Variants in ATP8A2 observed in about 807,000 individuals in gnomAD.
ATP8A2 encodes the protein ATPase phospholipid transporting 8A2, also known as phospholipid-transporting ATPase IB.
Under a neutral mutation model 165.6 loss-of-function variants are expected in ATP8A2, and 100 were observed. The ratio of observed to expected loss-of-function variants is 0.60; its 90% confidence interval spans 0.51 to 0.71. The LOEUF (loss-of-function observed/expected upper bound fraction) is 0.71, where lower values mean the gene tolerates loss of function less well. ATP8A2 is among the 30% of genes least tolerant of loss of function. The pLI, the probability that ATP8A2 is intolerant of heterozygous loss-of-function variation, is 0.00. For missense variants in ATP8A2, 1,227 were observed against 1,479.5 expected (o/e 0.83, Z 2.80); for synonymous variants, 543 against 548.8 (o/e 0.99, Z 0.15).
intron 19 of ATP8A2, among the ~76,000 whole-genome samples, chr13:25,576,481 C>T (rs185782343): frequency 8.6e-5 from 13 of 152,018 alleles, no homozygotes; most frequent in African/African-American, 2.4e-4. Context: ...AAGAAGAATT[C>T]ATAGGCGGTG....
intron 11 of ATP8A2, 25 bp from the exon 12 acceptor site, chr13:25,553,768 C>CAGAT (rs1566258802): frequency 6.2e-7 from 1 of 1,604,634 alleles, no homozygotes; most frequent in Admixed American, 1.7e-5. Flanking sequence ...GAACACCTTT[C>CAGAT]AGATACTCTG....
chr13:25,540,497 C>A, intron 8 of ATP8A2, 109 bp downstream of exon 8: 1 of 796,620 alleles, frequency 1.3e-6, no homozygotes, highest in Non-Finnish European at 2.1e-6. Flanking sequence ...AAGGGTTATG[C>A]CTTAGCCCTA....
At chr13:25,940,966 G>A (rs1183835589) in intron 33 of ATP8A2, among the ~76,000 whole-genome samples, 2 of 152,190 alleles carry the variant, frequency 1.3e-5, no homozygotes, top group Non-Finnish European at 2.9e-5. Context: ...CATGGTGTGC[G>A]GTAGCAGAGT....
Position 25,529,892 on chromosome 13 carries a change from CA to C in ATP8A2, c.222-106del, listed in dbSNP as rs374791416. On this transcript the variant is annotated intron_variant, in intron 2 of 36. Coordinates refer to ENST00000381655, the MANE Select transcript of ATP8A2 (RefSeq NM_016529.6). ...AATTTCCTTGTCTTGAGTTTTGAAA[CA>C]TTTTTTTTTAAACCATTTGTAAAAC... is the stretch of plus-strand genomic sequence containing the variant. 813 of 618,392 alleles carry C rather than the reference CA, an allele frequency of 1.3e-3. 9 individuals carry two copies. In the African/African-American group the frequency reaches 0.013, roughly 10 times the overall value. 38.3% of individuals were successfully genotyped at this position (618,392 alleles called of 1,614,324 possible). A position where few individuals can be genotyped will look rare whatever the true frequency, so the allele number is the denominator to read the frequency against.
At chr13:25,414,347 C>T (rs1033482803) in intron 1 of ATP8A2, among the ~76,000 whole-genome samples, 2 of 152,040 alleles carry the variant, frequency 1.3e-5, no homozygotes, top group African/African-American at 2.4e-5. Context: ...TGTGCCACCA[C>T]ACTTGGCTAA....
chr13:25,443,652 A>G, intron 1 of ATP8A2, among the ~76,000 whole-genome samples: 1 of 152,268 alleles, frequency 6.6e-6, no homozygotes, highest in Non-Finnish European at 1.5e-5. Context: ...TACATTCCCT[A>G]TCCCCATTCC....
At chr13:25,675,233 G>T (rs1332031212) in intron 24 of ATP8A2, among the ~76,000 whole-genome samples, 1 of 152,212 alleles carries the variant, frequency 6.6e-6, no homozygotes, top group Non-Finnish European at 1.5e-5. Flanking sequence ...CTTTGGATTT[G>T]CATTGCATGA....
In ATP8A2 at chr13:25,641,014, T is replaced by A. The variant is rs149318291; in HGVS notation, c.2211+51315T>A. ...ACCAAAGACAAAAACCACATGATGA[T>A]CTCAATAGATGCAGAAAAAGCCGTT... On this transcript the variant is annotated intron_variant, in intron 24 of 36. Transcript: ENST00000381655. Among the ~76,000 whole-genome samples the A allele has an allele frequency of 4.3e-4, 66 of 152,310 alleles. No individual in the cohort carries two copies. The East Asian group carries it at 0.012, about 27-fold the overall frequency.
intron 24 of ATP8A2, among the ~76,000 whole-genome samples, chr13:25,640,181 A>G (rs1233192321): frequency 6.6e-6 from 1 of 152,324 alleles, no homozygotes; most frequent in African/African-American, 2.4e-5. Flanking sequence ...CCCTAACATC[A>G]CAATTAAAAG....
At chr13:25,611,508 G>A (rs960597317) in intron 24 of ATP8A2, among the ~76,000 whole-genome samples, 6 of 152,098 alleles carry the variant, frequency 3.9e-5, no homozygotes, top group Non-Finnish European at 8.8e-5. Flanking sequence ...CTTGATCAAG[G>A]TGTGTTAACT....
chr13:25,922,539 G>A (rs1000418986), intron 33 of ATP8A2, among the ~76,000 whole-genome samples: 2 of 152,192 alleles, frequency 1.3e-5, no homozygotes, highest in Non-Finnish European at 2.9e-5. Flanking sequence ...TCAGTGGGCA[G>A]GGAGTTGGTT....
chr13:25,932,381 T>C (rs997395482), intron 33 of ATP8A2, among the ~76,000 whole-genome samples: 2 of 152,176 alleles, frequency 1.3e-5, no homozygotes, highest in Non-Finnish European at 2.9e-5. Context: ...AAGAACCCTT[T>C]TCATCACTTG....
intron 24 of ATP8A2, among the ~76,000 whole-genome samples, chr13:25,658,463 C>T (rs940118637): frequency 6.6e-6 from 1 of 151,906 alleles, no homozygotes; most frequent in Non-Finnish European, 1.5e-5. Flanking sequence ...TATGGTGAAA[C>T]CCCCGTCTCT....
At chr13:25,565,115 T>C (rs1050779353) in intron 16 of ATP8A2, among the ~76,000 whole-genome samples, 1 of 152,204 alleles carries the variant, frequency 6.6e-6, no homozygotes, top group East Asian at 1.9e-4. Context: ...ATATTATATA[T>C]GTATATATTA....
chr13:25,422,492 C>T (rs141622370), intron 1 of ATP8A2, among the ~76,000 whole-genome samples: 2 of 152,326 alleles, frequency 1.3e-5, no homozygotes, highest in African/African-American at 4.8e-5. Flanking sequence ...CTTGCCTTCC[C>T]TGTTTTGCTT....
At chr13:25,581,719 A>T in intron 22 of ATP8A2, 100 bp from the exon 23 acceptor site, 1 of 1,130,306 alleles carries the variant, frequency 8.8e-7, no homozygotes, top group East Asian at 2.3e-5. Flanking sequence ...AAATAGAACA[A>T]CTGTCTCAGA....
At chr13:25,692,379 C>T (rs1444753592) in intron 24 of ATP8A2, among the ~76,000 whole-genome samples, 1 of 152,156 alleles carries the variant, frequency 6.6e-6, no homozygotes, top group Non-Finnish European at 1.5e-5. Context: ...GCAGCTGCTG[C>T]TCCATGGCAT....
chr13:25,738,639 C>T (rs897396172), intron 25 of ATP8A2, among the ~76,000 whole-genome samples: 2 of 152,234 alleles, frequency 1.3e-5, no homozygotes, highest in Non-Finnish European at 2.9e-5. Context: ...TTTCAGCTGG[C>T]TTGCTTCTGC....
chr13:25,530,174 T>G (rs1392527803), intron 3 of ATP8A2, 76 bp downstream of exon 3: 11 of 878,036 alleles, frequency 1.3e-5, no homozygotes, highest in South Asian at 1.0e-4. Flanking sequence ...GTTCCTTAAC[T>G]GCTAAAGTGT....
Sources: allele counts gnomAD v4.1 joint callset (sites outside exome capture counted in the v4.1 genomes callset), GRCh38; gene constraint gnomAD v4.1.1; transcripts MANE v1.5; gene names NCBI Gene and HGNC (gene_info 2026-07-23, HGNC 2026-07-21).